The following NEK1 variants were observed in gnomAD, a reference collection of about 807,000 sequenced individuals.
NEK1 encodes the protein serine/threonine-protein kinase Nek1.
A neutral mutation model predicts 182.1 loss-of-function variants in NEK1; 137 were observed. The observed-to-expected ratio is 0.75, with a 90% confidence interval of 0.65 to 0.87. The LOEUF (loss-of-function observed/expected upper bound fraction) is 0.87. Among genes scored for constraint, NEK1 ranks in the 40% least tolerant of loss-of-function variants. NEK1 has a pLI of 0.00. For missense variants in NEK1, 1,391 were observed against 1,494.4 expected, an observed-to-expected ratio of 0.93 and a Z score of 1.14; for synonymous variants, 513 against 492.2, an observed-to-expected ratio of 1.04 and a Z score of -0.56.
At chr4:169,513,018 A>T (rs1754439924) in intron 19 of NEK1, among the ~76,000 whole-genome samples, 2 of 152,132 alleles carry the variant, frequency 1.3e-5, no homozygotes, top group South Asian at 4.1e-4. Context: ...TTAGCCTCAA[A>T]ATCAGGAAGA....
chr4:169,566,670 G>A (rs1169948997), intron 12 of NEK1, among the ~76,000 whole-genome samples: 1 of 152,156 alleles, frequency 6.6e-6, no homozygotes, highest in East Asian at 1.9e-4. Context: ...ATTAAAACAT[G>A]ACAGTATCTT....
intron 31 of NEK1, among the ~76,000 whole-genome samples, chr4:169,419,955 G>A (rs1735195650): frequency 6.6e-6 from 1 of 152,154 alleles, no homozygotes; most frequent in Admixed American, 6.5e-5. Context: ...AAGTTGCCCT[G>A]GGTAAGCCAG....
intron 10 of NEK1, among the ~76,000 whole-genome samples, chr4:169,581,241 C>T (rs1766606643): frequency 6.6e-6 from 1 of 151,806 alleles, no homozygotes; most frequent in African/African-American, 2.4e-5. Flanking sequence ...CATGCTTACT[C>T]CCTCCCAATC....
chr4:169,483,698 C>A (rs1295786199), intron 23 of NEK1, among the ~76,000 whole-genome samples: 2 of 151,864 alleles, frequency 1.3e-5, no homozygotes, highest in Non-Finnish European at 2.9e-5. Context: ...AACCCTCTCT[C>A]TACTAAAAAT....
intron 23 of NEK1, among the ~76,000 whole-genome samples, chr4:169,494,245 C>A (rs1005999723): frequency 6.6e-6 from 1 of 152,142 alleles, no homozygotes; most frequent in Non-Finnish European, 1.5e-5. Context: ...CTATCCCTCC[C>A]CACTACCCCC....
intron 35 of NEK1, among the ~76,000 whole-genome samples, chr4:169,397,830 A>C (rs754882525): frequency 6.6e-6 from 1 of 152,200 alleles, no homozygotes; most frequent in Non-Finnish European, 1.5e-5. Flanking sequence ...TCTCCACTTA[A>C]GGGGCAAGGC....
At chr4:169,548,990 C>T (rs1580686033) in intron 18 of NEK1, among the ~76,000 whole-genome samples, 1 of 152,268 alleles carries the variant, frequency 6.6e-6, no homozygotes, top group East Asian at 1.9e-4. Flanking sequence ...TTATGTCTCA[C>T]TGGTGTTCCA....
chr4:169,445,842 C>CTATATATATA (rs1206499120), intron 27 of NEK1, among the ~76,000 whole-genome samples: 14 of 108,588 alleles, frequency 1.3e-4, no homozygotes, highest in African/African-American at 6.2e-4. Flanking sequence ...AACAAAACAA[C>CTATATATATA]TATATACATA....
chr4:169,603,774 C>T (rs183719251), intron 2 of NEK1, among the ~76,000 whole-genome samples: 6 of 148,528 alleles, frequency 4.0e-5, no homozygotes, highest in Non-Finnish European at 8.9e-5. Flanking sequence ...CACACGATCT[C>T]GGCTCACTGC....
chr4:169,474,765 C>T (rs546558276), intron 26 of NEK1, among the ~76,000 whole-genome samples: 1 of 152,296 alleles, frequency 6.6e-6, no homozygotes, highest in East Asian at 1.9e-4. Context: ...CATAAAGCCC[C>T]TATAAGTCTG....
chr4:169,583,197 G>A (rs535636877), intron 10 of NEK1, among the ~76,000 whole-genome samples: 25 of 151,828 alleles, frequency 1.6e-4, no homozygotes, highest in African/African-American at 5.8e-4. Context: ...AGCTCCAGAG[G>A]TGGAGGTTGC....
intron 23 of NEK1, among the ~76,000 whole-genome samples, chr4:169,486,311 T>C (rs4254734): frequency 1.3e-5 from 2 of 152,148 alleles, no homozygotes; most frequent in African/African-American, 2.4e-5. Context: ...AATTTTGCCA[T>C]GTGCTGAAAA....
intron 16 of NEK1, among the ~76,000 whole-genome samples, chr4:169,559,839 G>A (rs763956415): frequency 7.9e-5 from 12 of 152,108 alleles, no homozygotes; most frequent in Admixed American, 5.2e-4. Flanking sequence ...CAGAAACCCC[G>A]TCTCTACTAA....
At chr4:169,484,270 A>G (rs1748649111) in intron 23 of NEK1, among the ~76,000 whole-genome samples, 1 of 152,102 alleles carries the variant, frequency 6.6e-6, no homozygotes, top group African/African-American at 2.4e-5. Context: ...CTGGTCTCGA[A>G]CTCCTGACCC....
intron 23 of NEK1, among the ~76,000 whole-genome samples, chr4:169,499,169 T>C (rs1751947363): frequency 6.6e-6 from 1 of 152,226 alleles, no homozygotes; most frequent in Non-Finnish European, 1.5e-5. Flanking sequence ...CCATCACTGA[T>C]ACCCCTTCTT....
intron 5 of NEK1, among the ~76,000 whole-genome samples, chr4:169,593,787 G>C (rs1208418501): frequency 6.6e-6 from 1 of 152,100 alleles, no homozygotes; most frequent in Non-Finnish European, 1.5e-5. Flanking sequence ...AGGAGATCGA[G>C]ACCATCCTGG....
intron 26 of NEK1, among the ~76,000 whole-genome samples, chr4:169,474,589 C>CT (rs1349142754): frequency 6.6e-6 from 1 of 152,214 alleles, no homozygotes; most frequent in Non-Finnish European, 1.5e-5. Context: ...TGCCTCTTCT[C>CT]TGACGAATCC....
chr4:169,471,908 A>G (rs1746047379), intron 26 of NEK1, among the ~76,000 whole-genome samples: 1 of 152,068 alleles, frequency 6.6e-6, no homozygotes, highest in Non-Finnish European at 1.5e-5. Flanking sequence ...ACCCAGTTCA[A>G]ACTTTCTGTC....
intron 33 of NEK1, 91 bp from the exon 34 acceptor site, chr4:169,400,742 G>T: frequency 1.1e-6 from 1 of 910,836 alleles, no homozygotes; most frequent in Non-Finnish European, 1.6e-6. Flanking sequence ...AATGAATAAT[G>T]CCATTGAAAT....
Sources: allele counts gnomAD v4.1 joint callset (sites outside exome capture counted in the v4.1 genomes callset), GRCh38; gene constraint gnomAD v4.1.1; transcripts MANE v1.5; gene names NCBI Gene and HGNC (gene_info 2026-07-23, HGNC 2026-07-21).